Variants in PCDHA8 observed in about 807,000 individuals in gnomAD.
PCDHA8 encodes the protein protocadherin alpha-8.
In PCDHA8, 53 loss-of-function variants were observed where a neutral mutation model predicts 61.8. That is an observed-to-expected ratio of 0.86 (90% CI 0.69 to 1.08). PCDHA8 has a LOEUF of 1.08. Ranked by LOEUF, PCDHA8 falls within the 50% of genes least tolerant of loss-of-function variation. The pLI, the probability that PCDHA8 is intolerant of heterozygous loss-of-function variation, is 0.00. For missense variants in PCDHA8, 1,293 were observed against 1,245.0 expected (o/e 1.04, Z -0.58); for synonymous variants, 618 against 556.6 (o/e 1.11, Z -1.55).
chr5:140,917,874 C>T (rs1240832097), intron 1 of PCDHA8, among the ~76,000 whole-genome samples: 2 of 151,008 alleles, frequency 1.3e-5, no homozygotes, highest in African/African-American at 4.9e-5. Context: ...ACTATTTGGG[C>T]TCTTTTTTTT....
At chr5:140,861,503 C>A in intron 1 of PCDHA8, 1 of 478,536 alleles carries the variant, frequency 2.1e-6, no homozygotes, top group Non-Finnish European at 4.3e-6. Context: ...TGATAGACCT[C>A]GAGGAGCTGT....
At chr5:140,982,022 G>T (rs2096962811) in intron 2 of PCDHA8, among the ~76,000 whole-genome samples, 1 of 152,168 alleles carries the variant, frequency 6.6e-6, no homozygotes, top group African/African-American at 2.4e-5. Context: ...AGCCAAATTG[G>T]AACAATACTC....
intron 1 of PCDHA8, among the ~76,000 whole-genome samples, chr5:140,844,595 AT>A (rs1205514835): frequency 1.2e-4 from 18 of 149,668 alleles, no homozygotes; most frequent in Middle Eastern, 3.5e-3. Context: ...GATATTTAAT[AT>A]ATGACTTAGA....
At chr5:140,883,521 T>C in intron 1 of PCDHA8, 2 of 1,614,202 alleles carry the variant, frequency 1.2e-6, no homozygotes, top group Non-Finnish European at 1.7e-6. Flanking sequence ...CGCGAGAGCG[T>C]ATCAGCCTAT....
intron 3 of PCDHA8, among the ~76,000 whole-genome samples, chr5:140,990,731 A>G (rs1554251699): frequency 1.3e-5 from 2 of 152,166 alleles, no homozygotes; most frequent in South Asian, 4.1e-4. Flanking sequence ...AGGTATATCA[A>G]CAGCCCTAGG....
Position 140,849,726 on chromosome 5 carries a change from A to G in PCDHA8, c.2394+6011A>G, listed in dbSNP as rs1554143227. 2.5e-6 allele frequency: 4 copies of G among 1,598,410 alleles called. 1 individual carries two copies. Among genetic ancestry groups the G allele is most frequent in the Non-Finnish European group, 3.4e-6 (4 of 1,168,000 alleles). On this transcript the variant is annotated intron_variant, in intron 1 of 3. Transcript: ENST00000531613. ...GAATTACTACTCGTTGGTGCTGGAC[A>G]GAGCTCTGGACCGCGAGAGTGTGTC...
At chr5:140,869,228 G>T (rs782726206) in intron 1 of PCDHA8, 1 of 1,613,764 alleles carries the variant, frequency 6.2e-7, no homozygotes, top group South Asian at 1.1e-5. Flanking sequence ...GCCAAACACG[G>T]CACCTTCGTG....
At chr5:140,896,346 G>T (rs1466880160) in intron 1 of PCDHA8, among the ~76,000 whole-genome samples, 18 of 151,992 alleles carry the variant, frequency 1.2e-4, no homozygotes, top group Non-Finnish European at 2.5e-4. Flanking sequence ...TTATATTCCC[G>T]CCAGCAGTGT....
At chr5:140,907,197 A>G (rs2073229380) in intron 1 of PCDHA8, among the ~76,000 whole-genome samples, 1 of 152,166 alleles carries the variant, frequency 6.6e-6, no homozygotes, top group Non-Finnish European at 1.5e-5. Context: ...AACCTTCTGG[A>G]GAATTTTGCC....
chr5:140,964,251 T>A (rs2095820730), intron 1 of PCDHA8, among the ~76,000 whole-genome samples: 2 of 152,330 alleles, frequency 1.3e-5, no homozygotes, highest in Non-Finnish European at 1.5e-5. Flanking sequence ...TGGCTTTATA[T>A]TTGACTCCTT....
chr5:140,927,193 C>A, intron 1 of PCDHA8: 1 of 1,614,186 alleles, frequency 6.2e-7, no homozygotes, highest in Non-Finnish European at 8.5e-7. Context: ...CGACCTGGTG[C>A]TCGAGGACCC....
chr5:140,967,986 C>A, intron 1 of PCDHA8: 1 of 1,614,226 alleles, frequency 6.2e-7, no homozygotes, highest in Non-Finnish European at 8.5e-7. Flanking sequence ...CTGGAGGCCA[C>A]ACTGCCTTTC....
chr5:140,971,035 C>T (rs1251023371), intron 1 of PCDHA8, among the ~76,000 whole-genome samples: 1 of 152,098 alleles, frequency 6.6e-6, no homozygotes, highest in African/African-American at 2.4e-5. Flanking sequence ...TTTGAAAGCA[C>T]GTAAAAGGGT....
chr5:140,885,556 G>A (rs1317413722), intron 1 of PCDHA8, among the ~76,000 whole-genome samples: 22 of 152,018 alleles, frequency 1.4e-4, no homozygotes, highest in African/African-American at 5.3e-4. Flanking sequence ...TTATTTCTAC[G>A]AAATTGATTG....
rs1377792748 is a variant in PCDHA8 at position 140,968,353 on chromosome 5, C to T, written c.2395-10596C>T. ...ATGTCTCCATTAACAGTGCCAGTGGCAGCCTTTATGCTGTCAACTCCTTTG... is the reference window on the plus strand; with the variant it reads ...ATGTCTCCATTAACAGTGCCAGTGGTAGCCTTTATGCTGTCAACTCCTTTG... On this transcript the variant is annotated intron_variant, in intron 1 of 3. Coordinates refer to ENST00000531613, the MANE Select transcript of PCDHA8 (RefSeq NM_018911.3). 1.9e-6 allele frequency: 3 copies of T among 1,613,988 alleles called. No individual in the cohort carries two copies. In the African/African-American group the frequency reaches 4.0e-5, roughly 22 times the overall value.
intron 1 of PCDHA8, chr5:140,868,770 T>C (rs936187064): frequency 1.9e-5 from 5 of 257,030 alleles, no homozygotes; most frequent in Non-Finnish European, 3.7e-5. Flanking sequence ...TTAGTTTCAA[T>C]ATGACTTATA....
chr5:141,009,539 C>G lies in PCDHA8; in HGVS notation c.2543-88C>G, dbSNP rs141154047. 10,440 of 1,522,742 alleles carry G rather than the reference C, an allele frequency of 6.9e-3. 51 individuals are homozygous for G. Among genetic ancestry groups the G allele is most frequent in the Admixed American group, 0.011 (516 of 46,760 alleles). 94.3% of individuals were successfully genotyped at this position (1,522,742 alleles called of 1,614,324 possible). A position where few individuals can be genotyped will look rare whatever the true frequency, so the allele number is the denominator to read the frequency against. ...ATTTTTCTGGGGAGGTTCAGCCTGC[C>G]TATGCAGTACTCCTGTACTCTACCA... On this transcript the variant is annotated intron_variant, in intron 3 of 3. Transcript: ENST00000531613.
At position 140,924,046 on chromosome 5, in the gene PCDHA8, C is replaced by T. The variant is rs59270862; in HGVS notation, c.2395-54903C>T. Among the ~76,000 whole-genome samples, 1,259 of 152,276 alleles carry T rather than the reference C, an allele frequency of 8.3e-3. 10 individuals are homozygous for T. The highest frequency in any genetic ancestry group is 0.029 in the African/African-American group (1,206 of 41,556). ...AGGCATGGCTGCAGACCTAAAAGTT[C>T]GGTACATCTTTACAGTTGTATTTCA... is the stretch of plus-strand genomic sequence containing the variant. On this transcript the variant is annotated intron_variant, in intron 1 of 3. Coordinates refer to ENST00000531613, the MANE Select transcript of PCDHA8 (RefSeq NM_018911.3).
In PCDHA8 at chr5:140,957,392, T is replaced by A. The variant is rs1035836709; in HGVS notation, c.2395-21557T>A. Among the ~76,000 whole-genome samples the A allele has an allele frequency of 2.6e-5, 4 of 152,222 alleles. No individual in the cohort carries two copies. In the East Asian group the frequency reaches 5.8e-4, roughly 22 times the overall value. ...TTATTATAGTGTATTGTTATAATTG[T>A]CCTAATTTATTATTATTGTTGTTAA... is the stretch of plus-strand genomic sequence containing the variant. On this transcript the variant is annotated intron_variant, in intron 1 of 3. Coordinates refer to ENST00000531613, the MANE Select transcript of PCDHA8 (RefSeq NM_018911.3).
Sources: allele counts gnomAD v4.1 joint callset (sites outside exome capture counted in the v4.1 genomes callset), GRCh38; gene constraint gnomAD v4.1.1; transcripts MANE v1.5; gene names NCBI Gene and HGNC (gene_info 2026-07-23, HGNC 2026-07-21).